Variants in SCARB1 observed in about 807,000 individuals in gnomAD.
SCARB1 encodes the protein scavenger receptor class B member 1, also known as CD36 and LIMPII analogous 1.
A neutral mutation model predicts 57.2 loss-of-function variants in SCARB1; 30 were observed. The observed-to-expected ratio is 0.52, with a 90% CI of 0.39 to 0.71. SCARB1 has a LOEUF of 0.71. SCARB1 is among the 30% of genes least tolerant of loss of function. SCARB1 has a pLI of 0.00. For synonymous variants in SCARB1, 249 were observed against 268.3 expected, an observed-to-expected ratio of 0.93 and a Z score of 0.70; for missense variants, 543 against 671.2, an observed-to-expected ratio of 0.81 and a Z score of 2.11.
chr12:124,792,383 C>CTGTG (rs1949764402), intron 9 of SCARB1, among the ~76,000 whole-genome samples: 1 of 151,980 alleles, frequency 6.6e-6, no homozygotes, highest in South Asian at 2.1e-4. Flanking sequence ...GTTGGGTGAC[C>CTGTG]GGTCCACAGG....
At chr12:124,824,066 C>A (rs1426843218) in intron 1 of SCARB1, among the ~76,000 whole-genome samples, 2 of 150,852 alleles carry the variant, frequency 1.3e-5, no homozygotes, top group Non-Finnish European at 2.9e-5. Context: ...CCCAGCTACT[C>A]GGGAGGCTGA....
intron 12 of SCARB1, among the ~76,000 whole-genome samples, chr12:124,781,677 C>T (rs779064157): frequency 1.1e-4 from 17 of 152,154 alleles, no homozygotes; most frequent in Non-Finnish European, 1.8e-4. Flanking sequence ...TTTCAGGATA[C>T]GTGCGTCCTA....
rs540799381 is a variant in SCARB1, at chr12:124,829,356, C to T, written c.127-11649G>A. On this transcript the variant is annotated intron_variant, in intron 1 of 12. Transcript: ENST00000261693. The stretch of plus-strand genomic sequence containing the variant: ...TTTTCCTGCCTCTGCTCTTGCCCCC[C>T]GCCCCGTTCTCCCCACAGAATCCAA... Among the ~76,000 whole-genome samples the T allele has an allele frequency of 5.9e-5, 9 of 152,152 alleles. No individual in the cohort carries two copies. In the South Asian group the frequency reaches 6.2e-4, roughly 11 times the overall value.
intron 1 of SCARB1, among the ~76,000 whole-genome samples, chr12:124,826,317 C>T (rs113786460): frequency 0.046 from 6,003 of 130,514 alleles, 434 homozygotes; most frequent in African/African-American, 0.17. Context: ...GGTGACAGAG[C>T]GAGACCCTGT....
chr12:124,832,861 C>T (rs1401981423), intron 1 of SCARB1, among the ~76,000 whole-genome samples: 1 of 152,012 alleles, frequency 6.6e-6, no homozygotes, highest in Non-Finnish European at 1.5e-5. Context: ...TAAGAATTAA[C>T]AATTAACACT....
chr12:124,856,758 G>C (rs912143915), intron 1 of SCARB1, among the ~76,000 whole-genome samples: 3 of 152,218 alleles, frequency 2.0e-5, no homozygotes, highest in African/African-American at 7.2e-5. Flanking sequence ...GGTTCCGCAG[G>C]GGGGCTGATA....
At chr12:124,837,408 G>C (rs545082503) in intron 1 of SCARB1, among the ~76,000 whole-genome samples, 1 of 150,104 alleles carries the variant, frequency 6.7e-6, no homozygotes, top group African/African-American at 2.5e-5. Flanking sequence ...TTTTCAAATG[G>C]AAAGAAGGGA....
At chr12:124,833,875 C>T (rs892020504) in intron 1 of SCARB1, among the ~76,000 whole-genome samples, 2 of 152,238 alleles carry the variant, frequency 1.3e-5, no homozygotes, top group African/African-American at 2.4e-5. Context: ...AAGAGAAACC[C>T]GGGCCGGGGA....
At chr12:124,835,262 AT>A (rs35607122) in intron 1 of SCARB1, among the ~76,000 whole-genome samples, 86 of 148,380 alleles carry the variant, frequency 5.8e-4, no homozygotes, top group African/African-American at 1.6e-3. Flanking sequence ...GTATGTTTGA[AT>A]TTTTTTTTTT....
intron 1 of SCARB1, among the ~76,000 whole-genome samples, chr12:124,820,209 C>T (rs931676125): frequency 2.0e-5 from 3 of 152,108 alleles, no homozygotes; most frequent in South Asian, 2.1e-4. Context: ...TTCCGGGGTG[C>T]GCCATGAGCC....
chr12:124,794,400 C>CTTT (rs3043265), intron 9 of SCARB1, among the ~76,000 whole-genome samples: 24 of 119,896 alleles, frequency 2.0e-4, no homozygotes, highest in Non-Finnish European at 3.0e-4. Context: ...TTGAAAAATT[C>CTTT]TTTTTTTTTT....
Position 124,790,932 on chromosome 12 carries a change from C to A in SCARB1, c.1203-3475G>T, listed in dbSNP as rs529299237. On this transcript the variant is annotated intron_variant, in intron 9 of 12. Transcript: ENST00000261693. ...AGGCCTCCCATTGCTCCCTAACTGA[C>A]AAGGATGGCTCACTGTGCCTGAGCA... is the stretch of plus-strand genomic sequence containing the variant. 1.4e-3 allele frequency among the ~76,000 whole-genome samples: 212 copies of A among 152,362 alleles called. 1 individual carries two copies. Among genetic ancestry groups the A allele is most frequent in the Non-Finnish European group, 2.5e-3 (172 of 68,030 alleles).
intron 11 of SCARB1, 143 bp downstream of exon 11, chr12:124,786,214 C>G: frequency 6.3e-7 from 1 of 1,597,710 alleles, no homozygotes; most frequent in Non-Finnish European, 8.5e-7. Context: ...GCAGTGACCG[C>G]TCCCACTCCG....
rs1566231899 is a variant in SCARB1, at chr12:124,837,548, GA to G, written c.127-19842del. ...GGAAAGAAAAAGAAAGAAAAGAAAA[GA>G]AAAGAAAAGAAAAGAAAAGAAAAGA... On this transcript the variant is annotated intron_variant, in intron 1 of 12. Coordinates refer to ENST00000261693, the MANE Select transcript of SCARB1 (RefSeq NM_005505.5). Among the ~76,000 whole-genome samples, 19 of 11,990 alleles carry G rather than the reference GA, an allele frequency of 1.6e-3. 1 individual carries two copies. Among genetic ancestry groups the G allele is most frequent in the Admixed American group, 5.5e-3 (6 of 1,090 alleles). 7.9% of individuals were successfully genotyped at this position (11,990 alleles called of 152,430 possible).
In SCARB1 at chr12:124,800,156, C is replaced by T; in HGVS notation, c.1096G>A (p.Glu366Lys). The T allele has an allele frequency of 6.2e-7, 1 of 1,614,030 alleles. No individual in the cohort carries two copies. Among genetic ancestry groups the T allele is most frequent in the Non-Finnish European group, 8.5e-7 (1 of 1,179,920 alleles). Residue 366 changes from glutamate (E) to lysine (K), a missense_variant, in exon 8 of 13, where the codon GAG (glutamate) becomes AAG (lysine). Coordinates refer to ENST00000261693, the MANE Select transcript of SCARB1 (RefSeq NM_005505.5). The surrounding 1 kb of genome is among the most constrained non-coding windows in gnomAD (Gnocchi z 4.8). Reference sequence around the variant, plus strand: ...ATGTCCAGGAACAAGGAGTGTGCCTCCTGGTTAGGGTGCAGGCCAGTCACC... The same window carrying T: ...ATGTCCAGGAACAAGGAGTGTGCCTTCTGGTTAGGGTGCAGGCCAGTCACC... ...EAVTGLHPNQ[E>K]AHSLFLDIHP... is the part of the protein sequence containing the mutation.
intron 1 of SCARB1, among the ~76,000 whole-genome samples, chr12:124,833,340 C>T (rs1047806287): frequency 1.3e-5 from 2 of 152,068 alleles, no homozygotes; most frequent in African/African-American, 2.4e-5. Context: ...CAAGCATACA[C>T]CACCACGCCT....
At chr12:124,805,311 G>A (rs564448497) in intron 7 of SCARB1, among the ~76,000 whole-genome samples, 1 of 152,330 alleles carries the variant, frequency 6.6e-6, no homozygotes, top group East Asian at 1.9e-4. Flanking sequence ...CCAAGCAGGG[G>A]AAGCAACCCA....
chr12:124,855,787 G>A (rs1435686979), intron 1 of SCARB1, among the ~76,000 whole-genome samples: 1 of 152,150 alleles, frequency 6.6e-6, no homozygotes, highest in Non-Finnish European at 1.5e-5. Flanking sequence ...TATGGCCCCA[G>A]GGGCCTCTCT....
At chr12:124,793,465 G>T (rs928451379) in intron 9 of SCARB1, among the ~76,000 whole-genome samples, 2 of 151,600 alleles carry the variant, frequency 1.3e-5, no homozygotes, top group African/African-American at 4.9e-5. Context: ...AGCCCGAGGC[G>T]GGCGGATCAC....
Sources: gnomAD v4.1 joint callset for allele counts (sites outside exome capture counted in the v4.1 genomes callset) on GRCh38, gnomAD v4.1.1 for gene constraint, Gnocchi (gnomAD v3.1) non-coding constraint, MANE v1.5 for transcripts, NCBI Gene and HGNC (gene_info 2026-07-23, HGNC 2026-07-21) for gene names.